RIPOR2: variants seen among roughly 807,000 people sequenced by gnomAD.
The protein encoded by RIPOR2 is rho family-interacting cell polarization regulator 2.
RIPOR2 carries 39 observed loss-of-function variants against 114.5 expected under a neutral mutation model. That is an observed-to-expected ratio of 0.34 (90% CI 0.26 to 0.44). RIPOR2 has a LOEUF of 0.44. RIPOR2 is among the 20% of genes least tolerant of loss of function. The pLI is 1.00. For synonymous variants in RIPOR2, 445 were observed against 484.4 expected (o/e 0.92, Z 1.07); for missense variants, 1,007 against 1,255.1 (o/e 0.80, Z 2.99).
chr6:25,020,286 C>T (rs745847502), intron 1 of RIPOR2, among the ~76,000 whole-genome samples: 9 of 152,280 alleles, frequency 5.9e-5, no homozygotes, highest in Middle Eastern at 3.4e-3. Context: ...ACACTTTTCC[C>T]TCAGCCAAAT....
chr6:25,016,801 T>C (rs150484423), intron 1 of RIPOR2, among the ~76,000 whole-genome samples: 10 of 152,394 alleles, frequency 6.6e-5, no homozygotes, highest in African/African-American at 2.4e-4. Flanking sequence ...TAGAAAAATT[T>C]ATTAATTCCA....
chr6:25,033,318 C>T (rs1440109608), intron 1 of RIPOR2, among the ~76,000 whole-genome samples: 2 of 152,218 alleles, frequency 1.3e-5, no homozygotes, highest in African/African-American at 4.8e-5. Context: ...TTGATGCTCA[C>T]AGTGTCCCAG....
intron 1 of RIPOR2, among the ~76,000 whole-genome samples, chr6:24,952,131 A>G (rs1264143132): frequency 2.0e-5 from 3 of 152,234 alleles, no homozygotes; most frequent in Non-Finnish European, 4.4e-5. Context: ...GTGTAAGAAC[A>G]CAACATGAGA....
intron 13 of RIPOR2, chr6:24,840,207 G>T (rs1021825894): frequency 4.9e-5 from 48 of 979,026 alleles, no homozygotes; most frequent in Non-Finnish European, 5.7e-5. Context: ...GCTTCCCAAA[G>T]TGTTGGGATT....
chr6:24,881,554 C>G (rs955418719), intron 1 of RIPOR2, among the ~76,000 whole-genome samples: 2 of 152,202 alleles, frequency 1.3e-5, no homozygotes, highest in Non-Finnish European at 2.9e-5. Context: ...AGGCACAGAA[C>G]CCTGAAAGCC....
At chr6:24,837,145 C>T (rs901096624) in intron 14 of RIPOR2, among the ~76,000 whole-genome samples, 90 of 152,138 alleles carry the variant, frequency 5.9e-4, no homozygotes, top group African/African-American at 1.1e-3. Flanking sequence ...TTTTTTGAGA[C>T]GGAGTCTCGC....
chr6:24,835,945 A>T, intron 14 of RIPOR2, 74 bp from the exon 15 acceptor site: 2 of 1,432,184 alleles, frequency 1.4e-6, no homozygotes, highest in Non-Finnish European at 1.9e-6. Flanking sequence ...CATGGTTTGC[A>T]TCGGGCCCCA....
At chr6:24,863,056 G>A (rs893483391) in intron 7 of RIPOR2, among the ~76,000 whole-genome samples, 2 of 152,000 alleles carry the variant, frequency 1.3e-5, no homozygotes, top group Non-Finnish European at 2.9e-5. Context: ...AGGTTCAAGC[G>A]ATTCTCCTGC....
At chr6:25,032,462 C>A (rs368783549) in intron 1 of RIPOR2, among the ~76,000 whole-genome samples, 2 of 152,158 alleles carry the variant, frequency 1.3e-5, no homozygotes, top group Non-Finnish European at 2.9e-5. Flanking sequence ...CCCCTGGAGC[C>A]AACCCTTGAT....
At chr6:25,009,147 G>A (rs941773174) in intron 1 of RIPOR2, among the ~76,000 whole-genome samples, 18 of 152,332 alleles carry the variant, frequency 1.2e-4, no homozygotes, top group African/African-American at 2.6e-4. Flanking sequence ...TGTTGGTCTC[G>A]TGGGGAAAGG....
chr6:24,848,171 C>T lies in RIPOR2; in HGVS notation c.1035-17G>A, dbSNP rs368266592. On this transcript the variant is annotated splice_polypyrimidine_tract_variant and intron_variant, in intron 11 of 21. Coordinates refer to ENST00000643898, the MANE Select transcript of RIPOR2 (RefSeq NM_001286445.3). The stretch of plus-strand genomic sequence containing the variant: ...TCAAATGGACTGCAAAACAACAGGT[C>T]CCCAGGTATGCACATTTGGCAAAAT... 1.2e-6 allele frequency: 2 copies of T among 1,612,084 alleles called. No individual in the cohort carries two copies. The highest frequency in any genetic ancestry group is 1.7e-5 in the Admixed American group (1 of 59,742).
At chr6:24,842,468 C>T (rs1034675248) in intron 13 of RIPOR2, among the ~76,000 whole-genome samples, 11 of 152,324 alleles carry the variant, frequency 7.2e-5, no homozygotes, top group African/African-American at 1.9e-4. Context: ...CACAATGGGA[C>T]GGATAACTCT....
At chr6:24,916,342 CAG>C (rs1770078454) in intron 1 of RIPOR2, among the ~76,000 whole-genome samples, 1 of 152,206 alleles carries the variant, frequency 6.6e-6, no homozygotes, top group Non-Finnish European at 1.5e-5. Flanking sequence ...CCCCTGAGTG[CAG>C]ACTCAATCAC....
chr6:24,872,981 T>C lies in RIPOR2; in HGVS notation c.345-22A>G, dbSNP rs780983522. 1.1e-5 allele frequency: 17 copies of C among 1,522,508 alleles called. No homozygotes were observed. The South Asian group carries it at 1.8e-4, about 16-fold the overall frequency. 94.3% of individuals were successfully genotyped at this position (1,522,508 alleles called of 1,614,324 possible). ...TTCACTGCAAAGATAAGACAAGATG[T>C]AATCGTAATCTCTGCGCCTGTTAAG... On this transcript the variant is annotated intron_variant, in intron 3 of 21. Transcript: ENST00000643898.
At chr6:24,997,124 T>C (rs1775082287) in intron 1 of RIPOR2, among the ~76,000 whole-genome samples, 1 of 152,230 alleles carries the variant, frequency 6.6e-6, no homozygotes, top group Non-Finnish European at 1.5e-5. Context: ...GCAGAGCTTT[T>C]AAAACTCCCA....
intron 1 of RIPOR2, among the ~76,000 whole-genome samples, chr6:24,887,847 A>G (rs1202263427): frequency 1.3e-5 from 2 of 152,224 alleles, no homozygotes; most frequent in Admixed American, 6.5e-5. Flanking sequence ...AAATGCAGGG[A>G]GTAGCAGCTG....
chr6:24,905,878 G>A (rs531989611), intron 1 of RIPOR2, among the ~76,000 whole-genome samples: 1 of 152,288 alleles, frequency 6.6e-6, no homozygotes, highest in Non-Finnish European at 1.5e-5. Context: ...AGGTCAGAAG[G>A]AGACAAGCTT....
At chr6:25,024,032 A>G in intron 1 of RIPOR2, 1 of 756,182 alleles carries the variant, frequency 1.3e-6, no homozygotes, top group South Asian at 1.3e-5. Context: ...CGGCCCTTGA[A>G]CCGGTTGTAG....
chr6:24,847,930 T>A, intron 12 of RIPOR2, 95 bp downstream of exon 12: 1 of 1,505,186 alleles, frequency 6.6e-7, no homozygotes, highest in Non-Finnish European at 9.1e-7. Flanking sequence ...ATAGAATTAC[T>A]AACTCCCAGC....
Sources: gnomAD v4.1 joint callset for allele counts (sites outside exome capture counted in the v4.1 genomes callset) on GRCh38, gnomAD v4.1.1 for gene constraint, MANE v1.5 for transcripts, NCBI Gene and HGNC (gene_info 2026-07-23, HGNC 2026-07-21) for gene names.